PDE4C: variants seen among roughly 807,000 people sequenced by gnomAD.
PDE4C encodes phosphodiesterase 4C.
A neutral mutation model predicts 63.9 loss-of-function variants in PDE4C; 50 were observed. The ratio of observed to expected loss-of-function variants is 0.78; its 90% CI spans 0.62 to 0.99. The LOEUF (loss-of-function observed/expected upper bound fraction) is 0.99, where lower values mean the gene tolerates loss of function less well. PDE4C is among the 50% of genes least tolerant of loss of function. PDE4C has a pLI of 0.00. For missense variants in PDE4C, 777 were observed against 899.1 expected, an observed-to-expected ratio of 0.86 and a Z score of 1.74; for synonymous variants, 377 against 385.1, an observed-to-expected ratio of 0.98 and a Z score of 0.25.
At chr19:18,227,566 C>G (rs1301016165), upstream of PDE4C, among the ~76,000 whole-genome samples, 1 of 152,204 alleles carries the variant, frequency 6.6e-6, no homozygotes, top group Non-Finnish European at 1.5e-5. Context: ...ACCAGGTGCT[C>G]TACCCTCAGA....
intron 1 of PDE4C, chr19:18,248,088 C>G (rs1251311167): frequency 4.6e-6 from 2 of 438,710 alleles, no homozygotes; most frequent in African/African-American, 2.0e-5. Context: ...AGGGGGATTA[C>G]GAGACCCCAG....
At chr19:18,237,623 A>T (rs1462457319), upstream of PDE4C, among the ~76,000 whole-genome samples, 1 of 152,132 alleles carries the variant, frequency 6.6e-6, no homozygotes, top group Non-Finnish European at 1.5e-5. Flanking sequence ...CTGTAATCCC[A>T]GCACTTTGGG....
At chr19:18,224,124 T>G in intron 1 of PDE4C, 1 of 839,434 alleles carries the variant, frequency 1.2e-6, no homozygotes, top group Non-Finnish European at 1.4e-6. Context: ...CCACACTACC[T>G]GTCCCGTTCT....
At chr19:18,219,093 T>C in intron 8 of PDE4C, 55 bp from the exon 9 acceptor site, 1 of 1,578,794 alleles carries the variant, frequency 6.3e-7, no homozygotes. Flanking sequence ...CCCCAGACTC[T>C]AGAGCCTCCA....
At chr19:18,226,352 C>A in exon 1 of PDE4C, 2 of 1,521,214 alleles carry the variant, frequency 1.3e-6, no homozygotes, top group Non-Finnish European at 1.8e-6. Context: ...CCGGGGGAGC[C>A]GCGCGGGGAT....
exon 14 of PDE4C, chr19:18,211,839 G>C: frequency 6.2e-7 from 1 of 1,614,256 alleles, no homozygotes; most frequent in South Asian, 1.1e-5. Flanking sequence ...CGGTCTCCCT[G>C]CTGGAAGAAC....
At chr19:18,243,252 G>A (rs1969075453) in intron 1 of PDE4C, among the ~76,000 whole-genome samples, 1 of 152,052 alleles carries the variant, frequency 6.6e-6, no homozygotes, top group Non-Finnish European at 1.5e-5. Flanking sequence ...TGGGATTACA[G>A]GTGCCCACCA....
chr19:18,209,046 A>G (rs1967811972), downstream of PDE4C: 1 of 152,200 alleles, frequency 6.6e-6, no homozygotes, highest in Non-Finnish European at 1.5e-5. Flanking sequence ...ACTTAAAGCA[A>G]CAACTGGTGC....
upstream of PDE4C, among the ~76,000 whole-genome samples, chr19:18,229,644 T>C (rs1968809887): frequency 1.3e-5 from 2 of 152,126 alleles, no homozygotes; most frequent in South Asian, 2.1e-4. Context: ...AGAGAGATTT[T>C]TTTAAATGGG....
At chr19:18,231,268 C>T (rs1231154106), upstream of PDE4C, among the ~76,000 whole-genome samples, 2 of 152,220 alleles carry the variant, frequency 1.3e-5, no homozygotes, top group East Asian at 3.8e-4. Context: ...ATACGATGCG[C>T]AGAACGACGT....
At chr19:18,238,573 A>T (rs1568267295), upstream of PDE4C, among the ~76,000 whole-genome samples, 1 of 152,078 alleles carries the variant, frequency 6.6e-6, no homozygotes, top group Non-Finnish European at 1.5e-5. Context: ...TAAATAAAAC[A>T]GTATGTTTAT....
At chr19:18,208,254 G>T (rs1568656315), downstream of PDE4C, 1 of 152,206 alleles carries the variant, frequency 6.6e-6, no homozygotes, top group Non-Finnish European at 1.5e-5. Context: ...GCCGAGGGCG[G>T]CTGTGATGAC....
intron 1 of PDE4C, among the ~76,000 whole-genome samples, chr19:18,242,546 C>G (rs953010839): frequency 2.1e-5 from 3 of 140,092 alleles, no homozygotes; most frequent in Admixed American, 1.5e-4. Flanking sequence ...TTTTGGGAGG[C>G]TGAGGTGGGC....
chr19:18,222,091 G>T, intron 2 of PDE4C, 41 bp downstream of exon 2: 1 of 1,526,884 alleles, frequency 6.5e-7, no homozygotes, highest in Non-Finnish European at 9.0e-7. Context: ...AAGGAAGGAG[G>T]GAGGGTAGAG....
chr19:18,218,403 G>C lies in PDE4C; in HGVS notation c.1065C>G (p.Tyr355Ter), dbSNP rs766115961. 6.2e-7 allele frequency: 1 copy of C among 1,614,256 alleles called. No homozygotes were observed. The highest frequency in any genetic ancestry group is 1.1e-5 in the South Asian group (1 of 91,082). The change falls in exon 10 of 15, where the codon TAC becomes TAG. Residue 355 changes from tyrosine (Y) to a stop codon, truncating the protein, a stop_gained. Coordinates refer to ENST00000262805, the Ensembl canonical transcript of PDE4C. LOFTEE classifies it high-confidence loss of function. ...CGTCGGCGGCATGTAGGCTGTTGTG[G>C]TAGGCCACATTGGCGTGGTAGTGAC...
At chr19:18,237,315 GC>G (rs1339649817), upstream of PDE4C, among the ~76,000 whole-genome samples, 1 of 152,134 alleles carries the variant, frequency 6.6e-6, no homozygotes, top group Non-Finnish European at 1.5e-5. Context: ...ACTTTGGGAG[GC>G]CAAGGCGGGA....
chr19:18,229,441 A>T (rs975515568), upstream of PDE4C, among the ~76,000 whole-genome samples: 1 of 151,964 alleles, frequency 6.6e-6, no homozygotes, highest in Non-Finnish European at 1.5e-5. Context: ...GGGTTTCACC[A>T]TGTTGGCCAG....
intron 1 of PDE4C, among the ~76,000 whole-genome samples, chr19:18,246,347 C>T (rs1371010865): frequency 7.9e-6 from 1 of 126,276 alleles, no homozygotes; most frequent in African/African-American, 3.1e-5. Flanking sequence ...CCATGACTGG[C>T]TATTTTTTTT....
intron 14 of PDE4C, 126 bp downstream of exon 14, chr19:18,211,633 G>A (rs970106072): frequency 2.2e-5 from 23 of 1,069,012 alleles, no homozygotes; most frequent in Middle Eastern, 2.1e-4. Context: ...ACTCGGCCCA[G>A]ACAGCACCCT....
Sources: allele counts gnomAD v4.1 joint callset (sites outside exome capture counted in the v4.1 genomes callset), GRCh38; gene constraint gnomAD v4.1.1; transcripts MANE v1.5; gene names NCBI Gene and HGNC (gene_info 2026-07-23, HGNC 2026-07-21).